PPTC7: variants seen among roughly 807,000 people sequenced by gnomAD.
The protein encoded by PPTC7 is protein phosphatase PTC7 homolog.
In PPTC7, 6 loss-of-function variants were observed where a neutral mutation model predicts 30.8. That is an observed-to-expected ratio of 0.19 (90% CI 0.11 to 0.38). The LOEUF (loss-of-function observed/expected upper bound fraction) is 0.38. Ranked by LOEUF, PPTC7 falls within the 10% of genes least tolerant of loss-of-function variation. The pLI is 1.00. For synonymous variants in PPTC7, 163 were observed against 168.1 expected (o/e 0.97, Z 0.23); for missense variants, 218 against 404.8 (o/e 0.54, Z 3.96).
intron 1 of PPTC7, among the ~76,000 whole-genome samples, chr12:110,570,639 C>T (rs1292573958): frequency 1.1e-5 from 1 of 91,662 alleles, no homozygotes; most frequent in African/African-American, 4.4e-5. Flanking sequence ...GTGGGACCTG[C>T]GGGCAGCAAT....
chr12:110,540,321 C>CTTGTTT, intron 3 of PPTC7, among the ~76,000 whole-genome samples: 1 of 105,046 alleles, frequency 9.5e-6, no homozygotes, highest in East Asian at 2.9e-4. Flanking sequence ...CCCCCCCCGC[C>CTTGTTT]TTTTTTTTTT....
At chr12:110,577,976 T>G (rs1418927736) in intron 1 of PPTC7, among the ~76,000 whole-genome samples, 1 of 152,162 alleles carries the variant, frequency 6.6e-6, no homozygotes, top group Non-Finnish European at 1.5e-5. Context: ...GACTGGTTTT[T>G]AATTCACATA....
chr12:110,560,742 G>A (rs1026986016), intron 1 of PPTC7, among the ~76,000 whole-genome samples: 8 of 152,144 alleles, frequency 5.3e-5, no homozygotes, highest in African/African-American at 1.9e-4. Flanking sequence ...AAAACAATTT[G>A]ATTTTGTCCA....
chr12:110,581,339 G>A (rs1182503461), intron 1 of PPTC7, among the ~76,000 whole-genome samples: 1 of 152,000 alleles, frequency 6.6e-6, no homozygotes, highest in Non-Finnish European at 1.5e-5. Context: ...GCTTGAACCG[G>A]GGAGGCGGAG....
At chr12:110,573,624 G>A (rs2064558561) in intron 1 of PPTC7, among the ~76,000 whole-genome samples, 1 of 152,160 alleles carries the variant, frequency 6.6e-6, no homozygotes, top group South Asian at 2.1e-4. Context: ...ATTTATAGGT[G>A]TTTTATATGG....
At chr12:110,547,789 CCA>C (rs375562568) in intron 2 of PPTC7, among the ~76,000 whole-genome samples, 254 of 152,252 alleles carry the variant, frequency 1.7e-3, no homozygotes, top group African/African-American at 5.7e-3. Context: ...CTTATTCTCT[CCA>C]GACTTGTTTC....
At chr12:110,547,375 T>A (rs1361463034) in intron 2 of PPTC7, among the ~76,000 whole-genome samples, 1 of 152,148 alleles carries the variant, frequency 6.6e-6, no homozygotes, top group Non-Finnish European at 1.5e-5. Context: ...AGTTTCCTCA[T>A]CCACAAAAAC....
Position 110,568,769 on chromosome 12 carries a change from T to C in PPTC7, c.223+14040A>G, listed in dbSNP as rs191254631. ...CTTTCAGCCAAAAACTCCAAAGGGATTGAACCTAGTAATGGATCCTAGCGT... is the reference window on the plus strand; with the variant it reads ...CTTTCAGCCAAAAACTCCAAAGGGACTGAACCTAGTAATGGATCCTAGCGT... On this transcript the variant is annotated intron_variant, in intron 1 of 5. Transcript: ENST00000354300. Among the ~76,000 whole-genome samples the C allele has an allele frequency of 1.6e-4, 25 of 152,294 alleles. No individual in the cohort carries two copies. In the East Asian group the frequency reaches 1.7e-3, roughly 11 times the overall value.
intron 2 of PPTC7, among the ~76,000 whole-genome samples, chr12:110,551,421 C>T (rs2064348834): frequency 6.6e-6 from 1 of 152,210 alleles, no homozygotes; most frequent in Admixed American, 6.5e-5. Flanking sequence ...TCTCGGCACA[C>T]CGCAACATCC....
chr12:110,548,242 A>G (rs2135768865), intron 2 of PPTC7, among the ~76,000 whole-genome samples: 1 of 152,336 alleles, frequency 6.6e-6, no homozygotes, highest in Middle Eastern at 3.4e-3. Flanking sequence ...AAAAAATCTG[A>G]AAGCATAATC....
chr12:110,553,293 G>A (rs2064362833), intron 1 of PPTC7, among the ~76,000 whole-genome samples: 1 of 151,600 alleles, frequency 6.6e-6, no homozygotes, highest in African/African-American at 2.4e-5. Context: ...GAGACTACAG[G>A]TGCGTGCCAT....
At chr12:110,550,681 C>A (rs1382369110) in intron 2 of PPTC7, among the ~76,000 whole-genome samples, 1 of 152,160 alleles carries the variant, frequency 6.6e-6, no homozygotes, top group Non-Finnish European at 1.5e-5. Context: ...ATGTAACAAA[C>A]AAACGTAGAG....
chr12:110,558,360 G>A (rs887088137), intron 1 of PPTC7, among the ~76,000 whole-genome samples: 2 of 152,164 alleles, frequency 1.3e-5, no homozygotes, highest in African/African-American at 4.8e-5. Flanking sequence ...AAGCTAAAAA[G>A]GAGGCTGAAT....
chr12:110,545,897 TC>T lies in PPTC7; in HGVS notation c.584del (p.Gly195GlufsTer4). The T allele has an allele frequency of 6.2e-7, 1 of 1,613,630 alleles. No individual in the cohort carries two copies. ...GAGATTACCTGTCGCTCAAGACGAC[TC>T]CCTCGGCTTCAGGGGGAGCGATTGA... ...QLSIAPPEAEGVVLSDSPDAA... is the reference protein window; with the variant it reads ...QLSIAPPEAEXVVLSDSPDAA... On this transcript the variant is annotated frameshift_variant, in exon 3 of 6. Transcript: ENST00000354300. LOFTEE classifies it high-confidence loss of function.
Position 110,554,642 on chromosome 12 carries a change from G to A in PPTC7, c.224-2674C>T, listed in dbSNP as rs1483214787. Reference sequence around the variant, plus strand: ...GAGCTCCTTTATCAAGAGGAAATTAGTGTTTATGAAAGTCAATAAAATATC... The same window carrying A: ...GAGCTCCTTTATCAAGAGGAAATTAATGTTTATGAAAGTCAATAAAATATC... On this transcript the variant is annotated intron_variant, in intron 1 of 5. Coordinates refer to ENST00000354300, the MANE Select transcript of PPTC7 (RefSeq NM_139283.2). 2.0e-5 allele frequency among the ~76,000 whole-genome samples: 3 copies of A among 152,172 alleles called. No homozygotes were observed. The South Asian group carries it at 6.2e-4, about 31-fold the overall frequency.
At chr12:110,581,695 G>A (rs541936697) in intron 1 of PPTC7, among the ~76,000 whole-genome samples, 1 of 152,290 alleles carries the variant, frequency 6.6e-6, no homozygotes, top group Non-Finnish European at 1.5e-5. Flanking sequence ...TAGAACCAAA[G>A]ATACTAGGCA....
At chr12:110,558,891 C>T (rs1218435217) in intron 1 of PPTC7, among the ~76,000 whole-genome samples, 1 of 151,988 alleles carries the variant, frequency 6.6e-6, no homozygotes, top group East Asian at 1.9e-4. Flanking sequence ...CAGGTGTGAA[C>T]CACCGTGCCC....
chr12:110,579,960 C>G (rs2064623101), intron 1 of PPTC7, among the ~76,000 whole-genome samples: 1 of 151,882 alleles, frequency 6.6e-6, no homozygotes, highest in Non-Finnish European at 1.5e-5. Flanking sequence ...TTGCAGTGAG[C>G]CGAGATGGCG....
intron 4 of PPTC7, among the ~76,000 whole-genome samples, chr12:110,538,672 C>T (rs1389069551): frequency 6.6e-6 from 1 of 152,200 alleles, no homozygotes; most frequent in Non-Finnish European, 1.5e-5. Context: ...AAAATACCTT[C>T]AGAATTTTAT....
Sources: gnomAD v4.1 joint callset for allele counts (sites outside exome capture counted in the v4.1 genomes callset) on GRCh38, gnomAD v4.1.1 for gene constraint, MANE v1.5 for transcripts, NCBI Gene and HGNC (gene_info 2026-07-23, HGNC 2026-07-21) for gene names.